PAPPA: variants seen among roughly 807,000 people sequenced by gnomAD.
The protein encoded by PAPPA is pappalysin-1.
In PAPPA, 60 loss-of-function variants were observed where a neutral mutation model predicts 164.0. The observed-to-expected ratio is 0.37, with a 90% CI of 0.30 to 0.45. The LOEUF (loss-of-function observed/expected upper bound fraction) is 0.45. Ranked by LOEUF, PAPPA falls within the 20% of genes least tolerant of loss-of-function variation. The probability of loss-of-function intolerance (pLI) is 1.00; values close to 1 mark genes in which losing one functional copy is unlikely to be tolerated. For synonymous variants in PAPPA, 875 were observed against 814.1 expected (o/e 1.07, Z -1.27); for missense variants, 1,782 against 2,087.3 (o/e 0.85, Z 2.85).
intron 2 of PAPPA, among the ~76,000 whole-genome samples, chr9:116,200,266 G>C (rs1312672049): frequency 6.6e-6 from 1 of 152,134 alleles, no homozygotes; most frequent in East Asian, 1.9e-4. Context: ...TTCTTTATGT[G>C]AAAACCTCAG....
At chr9:116,254,272 C>T (rs539825490) in intron 7 of PAPPA, among the ~76,000 whole-genome samples, 1 of 152,234 alleles carries the variant, frequency 6.6e-6, no homozygotes, top group African/African-American at 2.4e-5. Context: ...AAGGCTATTT[C>T]GTTGGATAAG....
chr9:116,169,556 G>C (rs899321058), intron 1 of PAPPA, among the ~76,000 whole-genome samples: 1 of 151,484 alleles, frequency 6.6e-6, no homozygotes, highest in Non-Finnish European at 1.5e-5. Context: ...CTGACCTCAG[G>C]TGATCCGCCC....
rs61248033 is a variant in PAPPA at position 116,284,545 on chromosome 9, C to CTTTTTTTT, written c.2953+13145_2953+13152dup. Among the ~76,000 whole-genome samples the CTTTTTTTT allele has an allele frequency of 3.7e-3, 330 of 88,266 alleles. 15 individuals are homozygous for CTTTTTTTT. The highest frequency in any genetic ancestry group is 0.014 in the African/African-American group (309 of 21,972). 57.9% of individuals were successfully genotyped at this position (88,266 alleles called of 152,430 possible). On this transcript the variant is annotated intron_variant, in intron 9 of 21. Coordinates refer to ENST00000328252, the MANE Select transcript of PAPPA (RefSeq NM_002581.5). The stretch of plus-strand genomic sequence containing the variant: ...CAAAATCTCTATCTTTAGTCTGGGC[C>CTTTTTTTT]TTTTTTTTTTTTTTTTTTTTTTTGA...
Position 116,154,519 on chromosome 9 carries a change from G to C in PAPPA, c.347G>C (p.Arg116Pro), listed in dbSNP as rs767695770. The change falls in exon 1 of 22, where the codon CGG becomes CCG. Residue 116 changes from arginine to proline, a missense_variant. Physicochemically the swap from Arg to Pro is moderately radical, Grantham distance 103 (BLOSUM62 -2). Around this residue, in one of 2 missense-constraint regions of PAPPA, gnomAD observed 458 missense variants for 430.3 expected, o/e 1.06. Coordinates refer to ENST00000328252, the MANE Select transcript of PAPPA (RefSeq NM_002581.5). This position sits in a 1 kb window ranked among gnomAD's most constrained non-coding sequence, Gnocchi z 5.2. Reference protein sequence around the residue: ...LRLRADLELPRDAFTLQVWLR... With the variant: ...LRLRADLELPPDAFTLQVWLR... Reference sequence around the variant, plus strand: ...CTCCGGGCCGACCTCGAGCTGCCCCGGGACGCGTTCACGCTGCAAGTGTGG... The same window carrying C: ...CTCCGGGCCGACCTCGAGCTGCCCCCGGACGCGTTCACGCTGCAAGTGTGG... The C allele has an allele frequency of 5.2e-5, 73 of 1,400,748 alleles. No homozygotes were observed. Among genetic ancestry groups the C allele is most frequent in the Non-Finnish European group, 6.2e-5 (67 of 1,075,598 alleles). 86.8% of individuals were successfully genotyped at this position (1,400,748 alleles called of 1,614,324 possible).
In PAPPA at chr9:116,154,434, G is replaced by A. The variant is rs547307006; in HGVS notation, c.262G>A (p.Glu88Lys). Residue 88 changes from glutamate to lysine, a missense_variant, in exon 1 of 22, where the codon GAG (glutamate) becomes AAG (lysine). Physicochemically the swap from Glu to Lys is moderately conservative, Grantham distance 56. This residue lies in a region of PAPPA where 458 missense variants were observed against 430.3 expected (regional missense o/e 1.06). Coordinates refer to ENST00000328252, the MANE Select transcript of PAPPA (RefSeq NM_002581.5). The surrounding 1 kb of genome is among the most constrained non-coding windows in gnomAD (Gnocchi z 5.2). ...GCAGCGGGAGGCGAGGGGCGCCACC[G>A]AGGAGCCGAGCCCGCCGAGCCGGGC... ...RQQREARGAT[E>K]EPSPPSRALY... The A allele has an allele frequency of 2.3e-4, 297 of 1,271,502 alleles. No homozygotes were observed. Among genetic ancestry groups the A allele is most frequent in the Admixed American group, 9.0e-4 (23 of 25,622 alleles). The allele number at this position is 1,271,502 out of a possible 1,614,324, so 78.8% of individuals were successfully genotyped here. A position where few individuals can be genotyped will look rare whatever the true frequency, so the allele number is the denominator to read the frequency against.
chr9:116,198,962 C>T (rs1399068566), intron 2 of PAPPA, among the ~76,000 whole-genome samples: 2 of 151,952 alleles, frequency 1.3e-5, no homozygotes, highest in Non-Finnish European at 2.9e-5. Flanking sequence ...ATCGAAGTTA[C>T]ACAAACTGCT....
intron 13 of PAPPA, among the ~76,000 whole-genome samples, chr9:116,342,783 G>T (rs902439239): frequency 6.6e-6 from 1 of 152,024 alleles, no homozygotes; most frequent in Admixed American, 6.5e-5. Context: ...GTAAATCATC[G>T]GTGCATACGA....
rs189146018 is a variant in PAPPA, at chr9:116,211,796, C to T, written c.1782C>T (p.Phe594=). 6.4e-5 allele frequency: 104 copies of T among 1,614,116 alleles called. No homozygotes were observed. The African/African-American group carries it at 9.7e-4, about 15-fold the overall frequency. ...SDPCMETEPS[F]ETGDLCNDTN... ...CCTGCATGGAGACAGAGCCCTCCTT[C>T]GAGACTGGAGACCTCTGCAATGATA... The change falls in exon 4 of 22, where the codon TTC becomes TTT. Residue 594 remains phenylalanine, a synonymous_variant. Transcript: ENST00000328252.
At chr9:116,259,656 T>C (rs1208831784) in intron 7 of PAPPA, among the ~76,000 whole-genome samples, 1 of 152,192 alleles carries the variant, frequency 6.6e-6, no homozygotes, top group Non-Finnish European at 1.5e-5. Flanking sequence ...AATCAAGTGC[T>C]GACAAGGACC....
intron 1 of PAPPA, among the ~76,000 whole-genome samples, chr9:116,162,765 C>T (rs1843683063): frequency 1.3e-5 from 2 of 152,190 alleles, no homozygotes; most frequent in African/African-American, 4.8e-5. Context: ...CATTGCCACG[C>T]ATTATTTCTA....
Position 116,335,021 on chromosome 9 carries a change from C to T in PAPPA, c.3558C>T (p.Pro1186=), listed in dbSNP as rs182838434. 4.6e-5 allele frequency: 74 copies of T among 1,613,834 alleles called. No individual in the cohort carries two copies. The highest frequency in any genetic ancestry group is 3.2e-4 in the African/African-American group (24 of 75,026). Residue 1186 remains proline, a synonymous_variant, in exon 13 of 22, where the codon CCC becomes CCT. Transcript: ENST00000328252. ...TCCGTTCCTTCGACAACTTTGACCC[C>T]GTCACCCTGAGCAGCTGCCAGAGAG... The part of the protein sequence containing the change: ...VALRSFDNFD[P]VTLSSCQRGE...
At chr9:116,379,955 A>G (rs1325166877) in intron 20 of PAPPA, among the ~76,000 whole-genome samples, 1 of 152,172 alleles carries the variant, frequency 6.6e-6, no homozygotes, top group Non-Finnish European at 1.5e-5. Context: ...TGTCTCTAGA[A>G]ATTCTCTCTT....
At chr9:116,305,130 C>CACAG (rs1845628479) in intron 10 of PAPPA, among the ~76,000 whole-genome samples, 1 of 125,248 alleles carries the variant, frequency 8.0e-6, no homozygotes, top group Non-Finnish European at 1.7e-5. Flanking sequence ...TACGTGGGCA[C>CACAG]ACAGACACAC....
At chr9:116,359,158 T>C (rs1363980361) in intron 17 of PAPPA, among the ~76,000 whole-genome samples, 1 of 152,224 alleles carries the variant, frequency 6.6e-6, no homozygotes, top group Non-Finnish European at 1.5e-5. Flanking sequence ...ACCATGACAC[T>C]AGCATCATTT....
intron 10 of PAPPA, among the ~76,000 whole-genome samples, chr9:116,330,771 A>C (rs1189102371): frequency 6.6e-6 from 1 of 152,174 alleles, no homozygotes; most frequent in Non-Finnish European, 1.5e-5. Flanking sequence ...TTGACACTCA[A>C]GATTCTATGA....
At chr9:116,252,444 T>C (rs1844870526) in intron 7 of PAPPA, among the ~76,000 whole-genome samples, 1 of 152,222 alleles carries the variant, frequency 6.6e-6, no homozygotes, top group Admixed American at 6.5e-5. Context: ...GATTTTTTCT[T>C]GGCACTGAGT....
At chr9:116,363,640 G>A (rs1846459231) in intron 18 of PAPPA, among the ~76,000 whole-genome samples, 1 of 152,176 alleles carries the variant, frequency 6.6e-6, no homozygotes, top group African/African-American at 2.4e-5. Context: ...AAAGCCTAGG[G>A]AACTGAACAT....
At position 116,211,632 on chromosome 9, in the gene PAPPA, C is replaced by G. The variant is rs1449639510; in HGVS notation, c.1625-7C>G. Reference sequence around the variant, plus strand: ...GTTTGCCTGATTCTCTGGATTTCCCCTTACAGGTGGCATTGTCTTGAACCC... The same window carrying G: ...GTTTGCCTGATTCTCTGGATTTCCCGTTACAGGTGGCATTGTCTTGAACCC... On this transcript the variant is annotated splice_region_variant and splice_polypyrimidine_tract_variant and intron_variant, in intron 3 of 21. Coordinates refer to ENST00000328252, the MANE Select transcript of PAPPA (RefSeq NM_002581.5). 2.5e-6 allele frequency: 4 copies of G among 1,611,704 alleles called. No individual in the cohort carries two copies. The South Asian group carries it at 4.4e-5, about 18-fold the overall frequency.
chr9:116,188,992 G>A (rs757826896), intron 2 of PAPPA, among the ~76,000 whole-genome samples: 3 of 152,206 alleles, frequency 2.0e-5, no homozygotes, highest in East Asian at 3.8e-4. Flanking sequence ...AAGGTAGTGT[G>A]CTGTGTTTAG....
Sources: gnomAD v4.1 joint callset for allele counts (sites outside exome capture counted in the v4.1 genomes callset) on GRCh38, gnomAD v4.1.1 for gene constraint, gnomAD v4.1.1 regional missense constraint, Gnocchi (gnomAD v3.1) non-coding constraint, MANE v1.5 for transcripts, NCBI Gene and HGNC (gene_info 2026-07-23, HGNC 2026-07-21) for gene names.